Variants in INPP4B observed in about 807,000 individuals in gnomAD.
INPP4B encodes the protein inositol polyphosphate 4-phosphatase type II.
In INPP4B, 55 loss-of-function variants were observed where a neutral mutation model predicts 122.5. The observed-to-expected ratio is 0.45, with a 90% CI of 0.36 to 0.56. The LOEUF (loss-of-function observed/expected upper bound fraction) is 0.56, where lower values mean the gene tolerates loss of function less well. Among genes scored for constraint, INPP4B ranks in the 20% least tolerant of loss-of-function variants. The pLI, the probability that INPP4B is intolerant of heterozygous loss-of-function variation, is 0.00. For missense variants in INPP4B, 1,000 were observed against 1,097.7 expected, an observed-to-expected ratio of 0.91 and a Z score of 1.26; for synonymous variants, 403 against 388.7, an observed-to-expected ratio of 1.04 and a Z score of -0.43.
intron 3 of INPP4B, among the ~76,000 whole-genome samples, chr4:142,441,103 A>G (rs996664883): frequency 2.0e-5 from 3 of 152,206 alleles, no homozygotes; most frequent in Non-Finnish European, 4.4e-5. Flanking sequence ...AAGAAGCCAC[A>G]TTAGATATAC....
chr4:142,702,225 T>G (rs1448937199), intron 2 of INPP4B, among the ~76,000 whole-genome samples: 1 of 152,156 alleles, frequency 6.6e-6, no homozygotes. Flanking sequence ...GTTCAAATTG[T>G]TTGTTACAAT....
chr4:142,081,200 G>A (rs948417862), intron 25 of INPP4B, among the ~76,000 whole-genome samples: 187 of 152,294 alleles, frequency 1.2e-3, no homozygotes, highest in African/African-American at 4.2e-3. Context: ...ATAAGAAGCA[G>A]CCTTCTCCAG....
At chr4:142,190,386 T>C (rs1488575923) in intron 15 of INPP4B, among the ~76,000 whole-genome samples, 3 of 152,184 alleles carry the variant, frequency 2.0e-5, no homozygotes, top group African/African-American at 7.2e-5. Context: ...GTGCAATATT[T>C]GTTGCTGAAA....
chr4:142,379,854 T>C (rs1356527518), intron 7 of INPP4B, among the ~76,000 whole-genome samples: 2 of 152,092 alleles, frequency 1.3e-5, no homozygotes, highest in Non-Finnish European at 1.5e-5. Context: ...AGATTGAGGG[T>C]TCATATGCAT....
intron 1 of INPP4B, among the ~76,000 whole-genome samples, chr4:142,783,953 A>C (rs1370403586): frequency 2.0e-5 from 3 of 152,188 alleles, no homozygotes; most frequent in African/African-American, 7.2e-5. Context: ...GAGAAATTTT[A>C]AGACTTTTCA....
At chr4:142,476,885 G>A (rs1469283447) in intron 2 of INPP4B, among the ~76,000 whole-genome samples, 1 of 152,096 alleles carries the variant, frequency 6.6e-6, no homozygotes, top group East Asian at 1.9e-4. Flanking sequence ...CTGACAGATA[G>A]TATGAGAGTG....
chr4:142,178,497 T>C (rs1307693525), intron 15 of INPP4B, among the ~76,000 whole-genome samples: 1 of 152,146 alleles, frequency 6.6e-6, no homozygotes. Context: ...TGACCACAAG[T>C]GCACATTGTG....
intron 1 of INPP4B, among the ~76,000 whole-genome samples, chr4:142,745,151 T>G (rs1356263311): frequency 6.6e-6 from 1 of 151,752 alleles, no homozygotes; most frequent in Non-Finnish European, 1.5e-5. Flanking sequence ...AGCATTAACC[T>G]TAAACACTAT....
intron 11 of INPP4B, among the ~76,000 whole-genome samples, chr4:142,242,922 T>C (rs190637833): frequency 6.6e-6 from 1 of 152,304 alleles, no homozygotes; most frequent in East Asian, 1.9e-4. Context: ...TTTCTTGTTC[T>C]CTTTTTTTCC....
At chr4:142,833,849 C>G (rs77780747) in intron 1 of INPP4B, among the ~76,000 whole-genome samples, 1 of 152,140 alleles carries the variant, frequency 6.6e-6, no homozygotes, top group East Asian at 1.9e-4. Context: ...TAGATGAGCC[C>G]AAAGCTCTTC....
intron 7 of INPP4B, among the ~76,000 whole-genome samples, chr4:142,335,007 T>A (rs1776071454): frequency 6.7e-6 from 1 of 148,844 alleles, no homozygotes; most frequent in African/African-American, 2.5e-5. Context: ...AACACTCCCC[T>A]GAAAGCCAGC....
chr4:142,516,024 G>C (rs1307862242), intron 2 of INPP4B, among the ~76,000 whole-genome samples: 2 of 152,164 alleles, frequency 1.3e-5, no homozygotes, highest in African/African-American at 4.8e-5. Flanking sequence ...AGCAGGAGCA[G>C]TTGACTAAAT....
chr4:142,451,241 C>CTGT (rs1381847577), intron 3 of INPP4B, among the ~76,000 whole-genome samples: 1 of 140,682 alleles, frequency 7.1e-6, no homozygotes, highest in Admixed American at 7.2e-5. Flanking sequence ...TTTTTTGTTG[C>CTGT]TGTTGTTTTT....
At chr4:142,168,271 C>T (rs1431483665) in intron 16 of INPP4B, among the ~76,000 whole-genome samples, 1 of 150,820 alleles carries the variant, frequency 6.6e-6, no homozygotes, top group Admixed American at 6.6e-5. Flanking sequence ...TTTATGCTTC[C>T]CTCTCTCCCT....
At chr4:142,103,239 TG>T in intron 23 of INPP4B, among the ~76,000 whole-genome samples, 1 of 152,222 alleles carries the variant, frequency 6.6e-6, no homozygotes, top group African/African-American at 2.4e-5. Flanking sequence ...TTAGCTTATT[TG>T]ACTCAATCTC....
chr4:142,381,782 CT>C (rs373066836), intron 7 of INPP4B, among the ~76,000 whole-genome samples: 1 of 151,984 alleles, frequency 6.6e-6, no homozygotes, highest in Middle Eastern at 3.2e-3. Flanking sequence ...TTTACCTGCA[CT>C]TTTTTTCTTA....
In INPP4B at chr4:142,461,830, G is replaced by A. The variant is rs933806513; in HGVS notation, c.-127+833C>T. ...AAACACACACACACACACACGTTGG[G>A]GTAAGGTGAGGTCAGGTGACAGATT... On this transcript the variant is annotated intron_variant, in intron 3 of 25. Coordinates refer to ENST00000262992, the MANE Select transcript of INPP4B (RefSeq NM_001101669.3). 3.5e-5 allele frequency among the ~76,000 whole-genome samples: 5 copies of A among 142,448 alleles called. No homozygotes were observed. The East Asian group carries it at 9.4e-4, about 27-fold the overall frequency. The allele number at this position is 142,448 out of a possible 152,430, so 93.5% of individuals were successfully genotyped here.
chr4:142,226,117 A>C (rs186722116), intron 12 of INPP4B, among the ~76,000 whole-genome samples: 2 of 152,346 alleles, frequency 1.3e-5, no homozygotes, highest in Non-Finnish European at 2.9e-5. Flanking sequence ...ACATTAAAAC[A>C]TACTGTAAAA....
chr4:142,665,493 CAA>C (rs11417876), intron 2 of INPP4B, among the ~76,000 whole-genome samples: 7 of 107,774 alleles, frequency 6.5e-5, no homozygotes, highest in East Asian at 2.6e-4. Flanking sequence ...GACTCTGTCT[CAA>C]AAAAAAAAAA....
Sources: gnomAD v4.1 joint callset for allele counts (sites outside exome capture counted in the v4.1 genomes callset) on GRCh38, gnomAD v4.1.1 for gene constraint, MANE v1.5 for transcripts, NCBI Gene and HGNC (gene_info 2026-07-23, HGNC 2026-07-21) for gene names.